Variants in PRR16 observed in about 807,000 individuals in gnomAD.
PRR16 encodes the protein protein Largen.
A neutral mutation model predicts 18.2 loss-of-function variants in PRR16; 6 were observed. The ratio of observed to expected loss-of-function variants is 0.33; its 90% CI spans 0.18 to 0.65. PRR16 has a LOEUF of 0.65. Among genes scored for constraint, PRR16 ranks in the 30% least tolerant of loss-of-function variants. The pLI is 0.74. For missense variants in PRR16, 412 were observed against 376.6 expected (o/e 1.09, Z -0.78); for synonymous variants, 151 against 147.8 (o/e 1.02, Z -0.16).
intron 1 of PRR16, among the ~76,000 whole-genome samples, chr5:120,641,570 A>T (rs529271013): frequency 2.6e-5 from 4 of 152,124 alleles, no homozygotes; most frequent in African/African-American, 9.6e-5. Flanking sequence ...GCAAAAATGA[A>T]CCCCACACAG....
chr5:120,497,348 T>G (rs1423660453), intron 1 of PRR16, among the ~76,000 whole-genome samples: 1 of 151,806 alleles, frequency 6.6e-6, no homozygotes, highest in Non-Finnish European at 1.5e-5. Flanking sequence ...TCCTTTTAGT[T>G]CTATCAGTTT....
chr5:120,512,572 A>G (rs930944781), intron 1 of PRR16, among the ~76,000 whole-genome samples: 2 of 152,114 alleles, frequency 1.3e-5, no homozygotes, highest in Non-Finnish European at 2.9e-5. Context: ...ATGTTTTCCT[A>G]CCTGTGACAA....
chr5:120,589,321 A>C (rs1401963269), intron 1 of PRR16, among the ~76,000 whole-genome samples: 1 of 152,078 alleles, frequency 6.6e-6, no homozygotes, highest in Admixed American at 6.6e-5. Context: ...ACTCTCTTTA[A>C]ATAAAATATC....
chr5:120,767,419 G>A, the PRR16 span, among the ~76,000 whole-genome samples: 5 of 151,842 alleles, frequency 3.3e-5, no homozygotes, highest in African/African-American at 1.2e-4. Context: ...ATCCTTTCAA[G>A]CATGGCTCTT....
chr5:120,678,918 T>C (rs1756888834), intron 1 of PRR16, among the ~76,000 whole-genome samples: 1 of 152,128 alleles, frequency 6.6e-6, no homozygotes, highest in African/African-American at 2.4e-5. Context: ...CACAAATAAC[T>C]TAGATTATAT....
the PRR16 span, among the ~76,000 whole-genome samples, chr5:120,733,669 C>T: frequency 3.3e-5 from 5 of 152,084 alleles, no homozygotes; most frequent in Non-Finnish European, 5.9e-5. Flanking sequence ...AACTGGGAAG[C>T]GGCTAGAGTT....
intron 1 of PRR16, among the ~76,000 whole-genome samples, chr5:120,599,260 A>G (rs1252200464): frequency 6.6e-6 from 1 of 151,920 alleles, no homozygotes; most frequent in African/African-American, 2.4e-5. Context: ...AAACCATTGC[A>G]TAAGTCGTAC....
In PRR16 at chr5:120,494,034, C is replaced by G. The variant is rs541098577; in HGVS notation, c.159+29389C>G. 2.6e-5 allele frequency among the ~76,000 whole-genome samples: 4 copies of G among 152,224 alleles called. No homozygotes were observed. The East Asian group carries it at 7.7e-4, about 29-fold the overall frequency. On this transcript the variant is annotated intron_variant, in intron 1 of 1. Transcript: ENST00000407149. Reference sequence around the variant, plus strand: ...GTTGTGTGAATATAAATTTTTATTTCTCTACAATAAATGTCCAAGCATACA... The same window carrying G: ...GTTGTGTGAATATAAATTTTTATTTGTCTACAATAAATGTCCAAGCATACA...
At chr5:120,781,275 A>G in the PRR16 span, 1 of 152,152 alleles carries the variant, frequency 6.6e-6, no homozygotes, top group Non-Finnish European at 1.5e-5. Flanking sequence ...TAACAAGAGA[A>G]AAACATACAA....
At chr5:120,512,649 G>C (rs954561703) in intron 1 of PRR16, among the ~76,000 whole-genome samples, 2 of 152,146 alleles carry the variant, frequency 1.3e-5, no homozygotes, top group Non-Finnish European at 2.9e-5. Flanking sequence ...TTTTCTGCTT[G>C]TCTAGGATAT....
intron 1 of PRR16, among the ~76,000 whole-genome samples, chr5:120,584,094 A>G (rs1228404133): frequency 6.6e-6 from 1 of 152,178 alleles, no homozygotes; most frequent in Non-Finnish European, 1.5e-5. Flanking sequence ...GAGGTCTTCT[A>G]GGCGAAGGGA....
At chr5:120,479,321 C>T (rs1201082019) in intron 1 of PRR16, among the ~76,000 whole-genome samples, 3 of 152,038 alleles carry the variant, frequency 2.0e-5, no homozygotes, top group Non-Finnish European at 4.4e-5. Context: ...ACTGTTGGAC[C>T]TCTGTCTTTA....
chr5:120,478,873 CT>C lies in PRR16; in HGVS notation c.159+14231del, dbSNP rs549369332. Among the ~76,000 whole-genome samples the C allele has an allele frequency of 7.5e-3, 1,134 of 151,680 alleles. 21 individuals are homozygous for C. Among genetic ancestry groups the C allele is most frequent in the African/African-American group, 0.026 (1,088 of 41,370 alleles). ...CTGGAATATCATGCATTTTTCTTGC[CT>C]TTAGCCATTACAAATTTTAAATTAA... is the stretch of plus-strand genomic sequence containing the variant. On this transcript the variant is annotated intron_variant, in intron 1 of 1. Transcript: ENST00000407149.
At chr5:120,556,947 T>C (rs1187909520) in intron 1 of PRR16, among the ~76,000 whole-genome samples, 2 of 146,734 alleles carry the variant, frequency 1.4e-5, no homozygotes, top group South Asian at 4.3e-4. Context: ...AACTGCTACA[T>C]GAAAAAAAAA....
chr5:120,626,599 T>A (rs1244759398), intron 1 of PRR16, among the ~76,000 whole-genome samples: 2 of 152,160 alleles, frequency 1.3e-5, no homozygotes, highest in Admixed American at 1.3e-4. Flanking sequence ...AATGGAAGAA[T>A]TTTATCATAT....
rs1297345363 is a variant in PRR16, at chr5:120,676,518, A to ATGTGTG, written c.160-9435_160-9434insGTGTGT. 2.3e-3 allele frequency among the ~76,000 whole-genome samples: 86 copies of ATGTGTG among 36,956 alleles called. No individual in the cohort carries two copies. In the South Asian group the frequency reaches 0.062, roughly 27 times the overall value. The allele number at this position is 36,956 out of a possible 152,430, so 24.2% of individuals were successfully genotyped here. A position where few individuals can be genotyped will look rare whatever the true frequency, so the allele number is the denominator to read the frequency against. On this transcript the variant is annotated intron_variant, in intron 1 of 1. Transcript: ENST00000407149. ...GATTATGTTTATTTTATATATATATATATATGTGTGTGTGTGTGTGTGTGT... is the reference window on the plus strand; with the variant it reads ...GATTATGTTTATTTTATATATATATATGTGTGTATATGTGTGTGTGTGTGTGTGTGT...
At chr5:120,465,543 G>A (rs1313195238) in intron 1 of PRR16, 3 of 152,584 alleles carry the variant, frequency 2.0e-5, no homozygotes, top group African/African-American at 7.2e-5. Context: ...CAGAGAAGGT[G>A]TCAGGGCTGA....
the PRR16 span, among the ~76,000 whole-genome samples, chr5:120,712,171 A>C: frequency 6.6e-6 from 1 of 152,244 alleles, no homozygotes; most frequent in Non-Finnish European, 1.5e-5. Flanking sequence ...CGTGTAAGCA[A>C]TTTTACATAT....
the PRR16 span, among the ~76,000 whole-genome samples, chr5:120,768,170 C>T: frequency 6.6e-6 from 1 of 151,826 alleles, no homozygotes; most frequent in East Asian, 1.9e-4. Context: ...GTAGTTTCCA[C>T]TCAACCTTAA....
Sources: allele counts gnomAD v4.1 joint callset (sites outside exome capture counted in the v4.1 genomes callset), GRCh38; gene constraint gnomAD v4.1.1; transcripts MANE v1.5; gene names NCBI Gene and HGNC (gene_info 2026-07-23, HGNC 2026-07-21).